The following THSD7B variants were observed in gnomAD, a reference collection of about 807,000 sequenced individuals.
THSD7B encodes thrombospondin type 1 domain containing 7B.
In THSD7B, 138 loss-of-function variants were observed where a neutral mutation model predicts 213.6. The observed-to-expected ratio is 0.65, with a 90% confidence interval of 0.56 to 0.74. The LOEUF (loss-of-function observed/expected upper bound fraction) is 0.74. Among genes scored for constraint, THSD7B ranks in the 30% least tolerant of loss-of-function variants. THSD7B has a pLI of 0.00. For synonymous variants in THSD7B, 742 were observed against 687.0 expected, an observed-to-expected ratio of 1.08 and a Z score of -1.25; for missense variants, 1,931 against 1,991.5, an observed-to-expected ratio of 0.97 and a Z score of 0.58.
intron 1 of THSD7B, among the ~76,000 whole-genome samples, chr2:136,772,308 A>C (rs1000402137): frequency 6.6e-6 from 1 of 152,150 alleles, no homozygotes; most frequent in African/African-American, 2.4e-5. Flanking sequence ...TGACAGGAAG[A>C]ATATTGCTGA....
At chr2:137,408,021 G>C in intron 13 of THSD7B, among the ~76,000 whole-genome samples, 1 of 151,674 alleles carries the variant, frequency 6.6e-6, no homozygotes, top group East Asian at 1.9e-4. Flanking sequence ...TTGTACTAGG[G>C]ATTGATTTTT....
chr2:137,122,346 A>G (rs1688559988), intron 5 of THSD7B, among the ~76,000 whole-genome samples: 1 of 150,314 alleles, frequency 6.7e-6, no homozygotes, highest in Non-Finnish European at 1.5e-5. Flanking sequence ...AAGAGATTAA[A>G]CCAGTGAGAC....
intron 8 of THSD7B, among the ~76,000 whole-genome samples, chr2:137,231,924 A>G (rs1681647804): frequency 6.6e-6 from 1 of 152,188 alleles, no homozygotes; most frequent in South Asian, 2.1e-4. Context: ...GCAGGACAGC[A>G]TGGCCACTGG....
intron 12 of THSD7B, among the ~76,000 whole-genome samples, chr2:137,308,177 C>T (rs904319551): frequency 6.6e-6 from 1 of 152,012 alleles, no homozygotes; most frequent in Non-Finnish European, 1.5e-5. Flanking sequence ...TGTGCACTCA[C>T]ACTCATAAAC....
intron 16 of THSD7B, among the ~76,000 whole-genome samples, chr2:137,566,280 C>T (rs897305473): frequency 1.2e-4 from 19 of 152,246 alleles, no homozygotes; most frequent in African/African-American, 2.4e-4. Flanking sequence ...GTCATTGAGT[C>T]GAATTTGGTC....
At chr2:137,170,206 G>T (rs1680217872) in intron 6 of THSD7B, among the ~76,000 whole-genome samples, 1 of 152,104 alleles carries the variant, frequency 6.6e-6, no homozygotes, top group South Asian at 2.1e-4. Context: ...AGCCTGGGTG[G>T]AAAGTGAACT....
At chr2:137,552,231 CA>C (rs1404098430) in intron 15 of THSD7B, among the ~76,000 whole-genome samples, 1 of 152,056 alleles carries the variant, frequency 6.6e-6, no homozygotes, top group East Asian at 1.9e-4. Flanking sequence ...TAACAGGCAT[CA>C]TCTAATTTAT....
At chr2:137,593,963 G>T (rs1157674313) in intron 17 of THSD7B, among the ~76,000 whole-genome samples, 1 of 152,030 alleles carries the variant, frequency 6.6e-6, no homozygotes, top group South Asian at 2.1e-4. Flanking sequence ...AATGGTTTAG[G>T]AATATTTTAG....
intron 17 of THSD7B, among the ~76,000 whole-genome samples, chr2:137,601,621 T>C (rs1682077797): frequency 6.6e-6 from 1 of 152,226 alleles, no homozygotes; most frequent in Non-Finnish European, 1.5e-5. Context: ...ATCCCCGTCA[T>C]TAAGTAACAT....
chr2:137,241,513 TAAAATC>T (rs1453936182), intron 9 of THSD7B, among the ~76,000 whole-genome samples: 1 of 152,240 alleles, frequency 6.6e-6, no homozygotes, highest in Non-Finnish European at 1.5e-5. Context: ...AGCAAAGTAA[TAAAATC>T]AATATCTTCT....
chr2:137,245,153 T>C (rs1681998254), intron 10 of THSD7B, among the ~76,000 whole-genome samples: 1 of 152,184 alleles, frequency 6.6e-6, no homozygotes, highest in Non-Finnish European at 1.5e-5. Flanking sequence ...TTCAGCTTCT[T>C]GAATGTATCT....
At chr2:136,819,655 A>G (rs1163618674) in intron 1 of THSD7B, among the ~76,000 whole-genome samples, 1 of 152,042 alleles carries the variant, frequency 6.6e-6, no homozygotes, top group Non-Finnish European at 1.5e-5. Flanking sequence ...TGGGGGCAAG[A>G]GCTAGAGAGG....
intron 1 of THSD7B, among the ~76,000 whole-genome samples, chr2:136,868,001 T>C (rs886722516): frequency 1.3e-5 from 2 of 152,148 alleles, no homozygotes; most frequent in Non-Finnish European, 2.9e-5. Context: ...AATGAATGAA[T>C]GGCTGTTTTT....
intron 15 of THSD7B, among the ~76,000 whole-genome samples, chr2:137,492,302 G>A (rs1238979418): frequency 6.6e-6 from 1 of 152,026 alleles, no homozygotes; most frequent in Admixed American, 6.6e-5. Context: ...CTATTTTCCA[G>A]ATTCAACATC....
intron 2 of THSD7B, among the ~76,000 whole-genome samples, chr2:137,008,399 G>A (rs1410408355): frequency 1.3e-5 from 2 of 152,114 alleles, no homozygotes; most frequent in Non-Finnish European, 2.9e-5. Context: ...TATAAAACAA[G>A]TCATTCAACC....
At chr2:137,641,995 A>T (rs1025704906) in intron 20 of THSD7B, among the ~76,000 whole-genome samples, 1 of 152,078 alleles carries the variant, frequency 6.6e-6, no homozygotes, top group African/African-American at 2.4e-5. Flanking sequence ...TTACTTGCTC[A>T]TGTTTATTAT....
chr2:137,284,926 C>T (rs1477713208), intron 12 of THSD7B, among the ~76,000 whole-genome samples: 1 of 152,054 alleles, frequency 6.6e-6, no homozygotes, highest in Non-Finnish European at 1.5e-5. Context: ...CCACTTTGTG[C>T]AGAGCTGAGT....
At chr2:136,814,556 G>A (rs567242803) in intron 1 of THSD7B, among the ~76,000 whole-genome samples, 6 of 152,030 alleles carry the variant, frequency 3.9e-5, no homozygotes, top group Non-Finnish European at 8.8e-5. Flanking sequence ...CTGCCACCAC[G>A]CCTGGCTAAT....
At chr2:136,962,858 T>C (rs745401547) in intron 2 of THSD7B, among the ~76,000 whole-genome samples, 4 of 152,214 alleles carry the variant, frequency 2.6e-5, no homozygotes, top group Non-Finnish European at 4.4e-5. Flanking sequence ...TTAAATTTTT[T>C]TTTGCCAGTT....
Sources: allele counts gnomAD v4.1 joint callset (sites outside exome capture counted in the v4.1 genomes callset), GRCh38; gene constraint gnomAD v4.1.1; transcripts MANE v1.5; gene names NCBI Gene and HGNC (gene_info 2026-07-23, HGNC 2026-07-21).